CDH12: variants seen among roughly 807,000 people sequenced by gnomAD.
The protein encoded by CDH12 is cadherin-12.
Under a neutral mutation model 74.1 loss-of-function variants are expected in CDH12, and 41 were observed. The ratio of observed to expected loss-of-function variants is 0.55; its 90% CI spans 0.43 to 0.72. The LOEUF is 0.72. Ranked by LOEUF, CDH12 falls within the 30% of genes least tolerant of loss-of-function variation. CDH12 has a pLI of 0.00. For missense variants in CDH12, 945 were observed against 977.2 expected (o/e 0.97, Z 0.44); for synonymous variants, 399 against 355.0 (o/e 1.12, Z -1.39).
intron 6 of CDH12, among the ~76,000 whole-genome samples, chr5:21,861,257 C>A (rs35576500): frequency 6.6e-6 from 1 of 151,436 alleles, no homozygotes; most frequent in Admixed American, 6.6e-5. Flanking sequence ...TACCCACTAA[C>A]CTGTATTTCA....
chr5:22,647,785 T>C (rs1332193119), intron 1 of CDH12, among the ~76,000 whole-genome samples: 2 of 151,886 alleles, frequency 1.3e-5, no homozygotes, highest in African/African-American at 2.4e-5. Context: ...GTTTTTACTC[T>C]GATTACAATA....
At chr5:22,271,400 C>T (rs1736393957) in intron 3 of CDH12, among the ~76,000 whole-genome samples, 2 of 152,188 alleles carry the variant, frequency 1.3e-5, no homozygotes, top group South Asian at 4.1e-4. Flanking sequence ...TCTGCAGTTA[C>T]TTTCTCCATG....
rs1363111613 is a variant in CDH12 at position 21,815,098 on chromosome 5, TAATC to T, written c.1002+1843_1002+1846del. Among the ~76,000 whole-genome samples the T allele has an allele frequency of 8.5e-5, 13 of 152,274 alleles. No homozygotes were observed. The East Asian group carries it at 1.2e-3, about 14-fold the overall frequency. On this transcript the variant is annotated intron_variant, in intron 9 of 14. Transcript: ENST00000382254. ...CACAATAGTAGAAATAAAAATATGA[TAATC>T]TATTTGAAAAATGTGTTTCTTTTTA...
chr5:22,029,922 A>T (rs4263478), intron 5 of CDH12, among the ~76,000 whole-genome samples: 3,137 of 151,986 alleles, frequency 0.021, 99 homozygotes, highest in African/African-American at 0.073. Flanking sequence ...ACCATGGAAT[A>T]CTATGCAGCC....
chr5:22,421,679 T>A (rs1261548068), intron 2 of CDH12, among the ~76,000 whole-genome samples: 2 of 152,196 alleles, frequency 1.3e-5, no homozygotes, highest in East Asian at 3.9e-4. Flanking sequence ...GCAAAATGTT[T>A]TAAAGTCCTT....
intron 1 of CDH12, among the ~76,000 whole-genome samples, chr5:22,649,064 A>G (rs1218223392): frequency 6.6e-6 from 1 of 151,978 alleles, no homozygotes; most frequent in East Asian, 1.9e-4. Context: ...GATAAAATCA[A>G]GCTGGTTAAT....
intron 1 of CDH12, among the ~76,000 whole-genome samples, chr5:22,764,452 A>G (rs1185182466): frequency 6.6e-6 from 1 of 152,006 alleles, no homozygotes. Flanking sequence ...GAATAAAGAA[A>G]CAAATAACTA....
chr5:21,942,158 G>A (rs1755359099), intron 6 of CDH12, among the ~76,000 whole-genome samples: 1 of 151,966 alleles, frequency 6.6e-6, no homozygotes. Context: ...ATTTCAAGTT[G>A]GAGAAAGGGG....
intron 1 of CDH12, among the ~76,000 whole-genome samples, chr5:22,555,818 T>C (rs1248207810): frequency 6.6e-6 from 1 of 151,936 alleles, no homozygotes; most frequent in Non-Finnish European, 1.5e-5. Context: ...CTTGAAGCAG[T>C]TTATTAAAAA....
At chr5:22,485,247 T>A (rs1230006849) in intron 2 of CDH12, among the ~76,000 whole-genome samples, 1 of 152,102 alleles carries the variant, frequency 6.6e-6, no homozygotes, top group South Asian at 2.1e-4. Flanking sequence ...AGTGGCCTCA[T>A]ATTAGTTCAC....
At chr5:22,409,357 G>C (rs918521663) in intron 2 of CDH12, among the ~76,000 whole-genome samples, 1 of 151,954 alleles carries the variant, frequency 6.6e-6, no homozygotes, top group African/African-American at 2.4e-5. Context: ...TATACAAAGA[G>C]TGTCTATAAA....
intron 1 of CDH12, among the ~76,000 whole-genome samples, chr5:22,666,389 A>G (rs1334272593): frequency 6.9e-6 from 1 of 145,774 alleles, no homozygotes; most frequent in Non-Finnish European, 1.5e-5. Flanking sequence ...TCCCGGGTTC[A>G]CGCCATTCTC....
At chr5:22,067,689 T>C (rs1265528172) in intron 5 of CDH12, among the ~76,000 whole-genome samples, 1 of 152,160 alleles carries the variant, frequency 6.6e-6, no homozygotes, top group African/African-American at 2.4e-5. Context: ...CACAGGCCCT[T>C]AGGATTTGGG....
chr5:22,640,249 T>G (rs1739075499), intron 1 of CDH12, among the ~76,000 whole-genome samples: 1 of 152,206 alleles, frequency 6.6e-6, no homozygotes, highest in Admixed American at 6.5e-5. Context: ...GATATTACTT[T>G]TTTGCTTCAG....
intron 1 of CDH12, among the ~76,000 whole-genome samples, chr5:22,512,985 C>T (rs771173293): frequency 3.3e-5 from 5 of 152,086 alleles, no homozygotes; most frequent in East Asian, 1.9e-4. Context: ...TGCAGTGAGC[C>T]GAGATCCCGC....
intron 1 of CDH12, among the ~76,000 whole-genome samples, chr5:22,790,032 G>T (rs1289084764): frequency 6.6e-6 from 1 of 151,962 alleles, no homozygotes; most frequent in Admixed American, 6.6e-5. Context: ...TAAACTTTTA[G>T]TAAACAGGTA....
At chr5:22,801,380 A>G (rs1367946723) in intron 1 of CDH12, among the ~76,000 whole-genome samples, 1 of 152,016 alleles carries the variant, frequency 6.6e-6, no homozygotes, top group Non-Finnish European at 1.5e-5. Flanking sequence ...CAGTTTTGGG[A>G]CGCCTTGAAA....
chr5:22,469,725 T>C (rs1356162546), intron 2 of CDH12, among the ~76,000 whole-genome samples: 2 of 152,130 alleles, frequency 1.3e-5, no homozygotes, highest in Non-Finnish European at 2.9e-5. Flanking sequence ...TATTCTCCTG[T>C]CATATTTTTT....
chr5:22,008,494 G>T (rs1438799872), intron 5 of CDH12, among the ~76,000 whole-genome samples: 2 of 152,132 alleles, frequency 1.3e-5, no homozygotes, highest in African/African-American at 4.8e-5. Flanking sequence ...CTCCCAAAGT[G>T]CTGGGATTAC....
Sources: gnomAD v4.1 joint callset for allele counts (sites outside exome capture counted in the v4.1 genomes callset) on GRCh38, gnomAD v4.1.1 for gene constraint, MANE v1.5 for transcripts, NCBI Gene and HGNC (gene_info 2026-07-23, HGNC 2026-07-21) for gene names.